The following UNC5D variants were observed in gnomAD, a reference collection of about 807,000 sequenced individuals.
UNC5D encodes the protein unc-5 netrin receptor D.
A neutral mutation model predicts 105.4 loss-of-function variants in UNC5D; 39 were observed. That is an observed-to-expected ratio of 0.37 (90% CI 0.29 to 0.48). The LOEUF (loss-of-function observed/expected upper bound fraction) is 0.48. UNC5D is among the 20% of genes least tolerant of loss of function. The pLI, the probability that UNC5D is intolerant of heterozygous loss-of-function variation, is 0.98. For missense variants in UNC5D, 991 were observed against 1,202.4 expected, an observed-to-expected ratio of 0.82 and a Z score of 2.60; for synonymous variants, 452 against 450.4, an observed-to-expected ratio of 1.00 and a Z score of -0.04.
At chr8:35,761,951 T>C (rs774412817) in intron 14 of UNC5D, among the ~76,000 whole-genome samples, 11 of 152,194 alleles carry the variant, frequency 7.2e-5, no homozygotes, top group Non-Finnish European at 1.5e-4. Flanking sequence ...TAGGGCTTAG[T>C]GGTTAGGAAC....
At chr8:35,657,713 T>C (rs1373123800) in intron 4 of UNC5D, among the ~76,000 whole-genome samples, 5 of 152,212 alleles carry the variant, frequency 3.3e-5, no homozygotes, top group Non-Finnish European at 1.5e-5. Context: ...CTCAAACTTA[T>C]GACCTCAAGT....
chr8:35,698,813 T>G (rs1020262610), intron 7 of UNC5D, among the ~76,000 whole-genome samples: 4 of 152,198 alleles, frequency 2.6e-5, no homozygotes, highest in African/African-American at 9.7e-5. Flanking sequence ...CTCAAGTCAG[T>G]GATTATCATG....
intron 1 of UNC5D, among the ~76,000 whole-genome samples, chr8:35,405,365 A>T (rs963949758): frequency 6.6e-6 from 1 of 152,192 alleles, no homozygotes; most frequent in Non-Finnish European, 1.5e-5. Context: ...ATTTTTCTGA[A>T]ATTCCATAGA....
chr8:35,381,588 G>A (rs1803045670), intron 1 of UNC5D, among the ~76,000 whole-genome samples: 1 of 152,180 alleles, frequency 6.6e-6, no homozygotes, highest in Non-Finnish European at 1.5e-5. Context: ...TTTAATTCAA[G>A]AGAAGATGAT....
At chr8:35,393,935 T>TGCTTTCATCTTCTTTTTTC (rs1803937857) in intron 1 of UNC5D, among the ~76,000 whole-genome samples, 1 of 152,216 alleles carries the variant, frequency 6.6e-6, no homozygotes, top group South Asian at 2.1e-4. Flanking sequence ...GGACTTTTTT[T>TGCTTTCATCTTCTTTTTTC]GCTTTCATCT....
intron 1 of UNC5D, among the ~76,000 whole-genome samples, chr8:35,477,951 G>T (rs561963048): frequency 6.6e-6 from 1 of 152,084 alleles, no homozygotes; most frequent in Non-Finnish European, 1.5e-5. Context: ...AAAGTAAATA[G>T]AATGGATTTT....
intron 1 of UNC5D, among the ~76,000 whole-genome samples, chr8:35,323,437 A>G (rs911008512): frequency 6.6e-6 from 1 of 152,100 alleles, no homozygotes; most frequent in Admixed American, 6.6e-5. Context: ...AATGAGTTGC[A>G]AACTGCCTGG....
chr8:35,606,655 T>C (rs1173260922), intron 4 of UNC5D, among the ~76,000 whole-genome samples: 1 of 152,078 alleles, frequency 6.6e-6, no homozygotes, highest in Non-Finnish European at 1.5e-5. Context: ...TAGCTCCCAC[T>C]TACCACCCCC....
intron 3 of UNC5D, among the ~76,000 whole-genome samples, chr8:35,584,194 CA>C (rs897250728): frequency 3.0e-4 from 46 of 152,058 alleles, no homozygotes; most frequent in African/African-American, 1.0e-3. Flanking sequence ...GTAGAAGGCA[CA>C]AAAAAAGAAG....
chr8:35,745,979 A>AT (rs541202502), intron 11 of UNC5D, among the ~76,000 whole-genome samples: 4,546 of 145,210 alleles, frequency 0.031, 220 homozygotes, highest in African/African-American at 0.1. Flanking sequence ...AAGAAGGCTC[A>AT]TTTTTTTTTT....
intron 4 of UNC5D, among the ~76,000 whole-genome samples, chr8:35,616,717 G>A (rs146053506): frequency 1.2e-3 from 185 of 152,168 alleles, no homozygotes; most frequent in African/African-American, 4.4e-3. Flanking sequence ...ACCAACATAG[G>A]GTTTTTCAAA....
intron 1 of UNC5D, among the ~76,000 whole-genome samples, chr8:35,468,721 A>C (rs1184658737): frequency 1.3e-5 from 2 of 152,204 alleles, no homozygotes; most frequent in Non-Finnish European, 2.9e-5. Flanking sequence ...GGGACATTTA[A>C]TCTTGAAAAG....
At chr8:35,413,677 G>A (rs1252388803) in intron 1 of UNC5D, among the ~76,000 whole-genome samples, 1 of 151,902 alleles carries the variant, frequency 6.6e-6, no homozygotes, top group African/African-American at 2.4e-5. Context: ...ACAAAGCCCT[G>A]ACTACTCACT....
intron 1 of UNC5D, among the ~76,000 whole-genome samples, chr8:35,250,879 C>A (rs1312567262): frequency 1.3e-5 from 2 of 152,068 alleles, no homozygotes; most frequent in Non-Finnish European, 1.5e-5. Flanking sequence ...TCCATGTGTA[C>A]CCAGTGTGTA....
intron 1 of UNC5D, among the ~76,000 whole-genome samples, chr8:35,460,519 G>C (rs1012078160): frequency 4.1e-4 from 62 of 152,124 alleles, no homozygotes; most frequent in African/African-American, 1.5e-3. Context: ...AAATCCCCTG[G>C]GTAAGGTAAA....
intron 1 of UNC5D, among the ~76,000 whole-genome samples, chr8:35,393,888 G>A (rs917907595): frequency 2.0e-5 from 3 of 152,108 alleles, no homozygotes; most frequent in African/African-American, 7.2e-5. Flanking sequence ...CTTTTGTGTG[G>A]CTGAAAGAAA....
intron 4 of UNC5D, among the ~76,000 whole-genome samples, chr8:35,607,921 T>C (rs1287206865): frequency 1.3e-5 from 2 of 152,184 alleles, no homozygotes; most frequent in Non-Finnish European, 2.9e-5. Flanking sequence ...ACTCAGTCTC[T>C]TCCTCCACCG....
At chr8:35,717,320 AT>A (rs1228117405) in intron 8 of UNC5D, among the ~76,000 whole-genome samples, 1 of 152,196 alleles carries the variant, frequency 6.6e-6, no homozygotes, top group Non-Finnish European at 1.5e-5. Context: ...ATTGAGTTAA[AT>A]TTCCATTAGT....
At chr8:35,601,134 GC>G (rs1371602401) in intron 4 of UNC5D, among the ~76,000 whole-genome samples, 3 of 151,944 alleles carry the variant, frequency 2.0e-5, no homozygotes, top group Non-Finnish European at 4.4e-5. Context: ...ATGTCTGAGG[GC>G]TCCGTTCTGT....
Sources: allele counts gnomAD v4.1 joint callset (sites outside exome capture counted in the v4.1 genomes callset), GRCh38; gene constraint gnomAD v4.1.1; transcripts MANE v1.5; gene names NCBI Gene and HGNC (gene_info 2026-07-23, HGNC 2026-07-21).